The following BMPR2 variants were observed in gnomAD, a reference collection of about 807,000 sequenced individuals.
BMPR2 encodes bone morphogenetic protein receptor type-2.
In BMPR2, 29 loss-of-function variants were observed where a neutral mutation model predicts 100.8. The ratio of observed to expected loss-of-function variants is 0.29; its 90% confidence interval spans 0.21 to 0.39. The LOEUF (loss-of-function observed/expected upper bound fraction) is 0.39, where lower values mean the gene tolerates loss of function less well. BMPR2 is among the 10% of genes least tolerant of loss of function. The pLI, the probability that BMPR2 is intolerant of heterozygous loss-of-function variation, is 1.00. For synonymous variants in BMPR2, 382 were observed against 442.3 expected (o/e 0.86, Z 1.71); for missense variants, 1,011 against 1,274.5 (o/e 0.79, Z 3.15).
Position 202,566,036 on chromosome 2 carries a change from A to G in BMPR2, c.*6090A>G, listed in dbSNP as rs1688755121. The G allele has an allele frequency of 6.6e-6, 1 of 152,150 alleles. No individual in the cohort carries two copies. The highest frequency in any genetic ancestry group is 2.4e-5 in the African/African-American group (1 of 41,446). 9.4% of individuals were successfully genotyped at this position (152,150 alleles called of 1,614,324 possible). On this transcript the variant is annotated 3_prime_UTR_variant, in exon 13 of 13. Coordinates refer to ENST00000374580, the MANE Select transcript of BMPR2 (RefSeq NM_001204.7). Reference sequence around the variant, plus strand: ...ATACACATTTTTAAAACAACTTGAAACCCATTTTAAAATCTGGGTAAGAGA... The same window carrying G: ...ATACACATTTTTAAAACAACTTGAAGCCCATTTTAAAATCTGGGTAAGAGA...
intron 3 of BMPR2, among the ~76,000 whole-genome samples, chr2:202,490,481 G>A (rs902313457): frequency 6.6e-6 from 1 of 152,102 alleles, no homozygotes; most frequent in Admixed American, 6.5e-5. Context: ...ATGAAAATAA[G>A]TTCTTTGCAT....
chr2:202,535,454 G>A (rs1302009437), intron 9 of BMPR2, among the ~76,000 whole-genome samples: 4 of 150,114 alleles, frequency 2.7e-5, no homozygotes, highest in Non-Finnish European at 5.9e-5. Context: ...ACGGGGCGGC[G>A]GGGCAGAGGC....
chr2:202,486,568 T>C (rs935396672), intron 3 of BMPR2, among the ~76,000 whole-genome samples: 3 of 149,150 alleles, frequency 2.0e-5, no homozygotes, highest in Admixed American at 6.7e-5. Context: ...GGAGGTGGAG[T>C]TGGCAGTGAG....
Position 202,484,968 on chromosome 2 carries a change from C to CAAA in BMPR2, c.418+17297_418+17299dup, listed in dbSNP as rs747890922. Among the ~76,000 whole-genome samples the CAAA allele has an allele frequency of 2.6e-3, 155 of 59,688 alleles. 2 individuals carry two copies. Among genetic ancestry groups the CAAA allele is most frequent in the East Asian group, 9.0e-3 (16 of 1,768 alleles). The allele number at this position is 59,688 out of a possible 152,430, so 39.2% of individuals were successfully genotyped here. On this transcript the variant is annotated intron_variant, in intron 3 of 12. Transcript: ENST00000374580. The stretch of plus-strand genomic sequence containing the variant: ...TGGGCGACAGAGTGAGACTCCGTCT[C>CAAA]AAAAAAAAAAAAAAAAAAAAGAAAG...
chr2:202,549,322 AGTTT>A (rs891437304), intron 10 of BMPR2, among the ~76,000 whole-genome samples: 3 of 152,128 alleles, frequency 2.0e-5, no homozygotes, highest in South Asian at 4.1e-4. Flanking sequence ...CATATGATAC[AGTTT>A]GTTTGTCCAT....
At chr2:202,454,185 C>T (rs1239853811) in intron 1 of BMPR2, among the ~76,000 whole-genome samples, 1 of 152,036 alleles carries the variant, frequency 6.6e-6, no homozygotes, top group Non-Finnish European at 1.5e-5. Flanking sequence ...TCCTCCCACC[C>T]CAGCCTCCCA....
At chr2:202,545,215 C>CCCTCCCCCTCCA (rs1429033283) in intron 10 of BMPR2, among the ~76,000 whole-genome samples, 5 of 142,260 alleles carry the variant, frequency 3.5e-5, no homozygotes, top group Non-Finnish European at 7.7e-5. Flanking sequence ...CGTCCCCCTC[C>CCCTCCCCCTCCA]CCTCCCCACA....
Position 202,563,071 on chromosome 2 carries a change from A to G in BMPR2, c.*3125A>G, listed in dbSNP as rs1487797174. On this transcript the variant is annotated 3_prime_UTR_variant, in exon 13 of 13. Coordinates refer to ENST00000374580, the MANE Select transcript of BMPR2 (RefSeq NM_001204.7). ...TTTCAGTCTATGTCTGCCTCTCTCC[A>G]CATCTCTTTCATCCATACCACACTG... 6.6e-6 allele frequency: 1 copy of G among 152,148 alleles called. No individual in the cohort carries two copies. Among genetic ancestry groups the G allele is most frequent in the Non-Finnish European group, 1.5e-5 (1 of 68,032 alleles). The allele number at this position is 152,148 out of a possible 1,614,324, so 9.4% of individuals were successfully genotyped here.
intron 1 of BMPR2, among the ~76,000 whole-genome samples, chr2:202,404,618 G>C (rs1690847340): frequency 6.6e-6 from 1 of 152,220 alleles, no homozygotes. Context: ...CAATAAACGA[G>C]ATAAATATAT....
At chr2:202,424,263 A>C (rs369984823) in intron 1 of BMPR2, among the ~76,000 whole-genome samples, 4 of 151,924 alleles carry the variant, frequency 2.6e-5, no homozygotes, top group African/African-American at 9.7e-5. Flanking sequence ...AATCCCTGCC[A>C]CTTGGGAAGC....
chr2:202,450,150 G>A (rs1181467484), intron 1 of BMPR2, among the ~76,000 whole-genome samples: 4 of 152,008 alleles, frequency 2.6e-5, no homozygotes, highest in African/African-American at 9.7e-5. Context: ...AAGCATTATA[G>A]CCTTGAGTAC....
chr2:202,473,181 G>C (rs952438496), intron 3 of BMPR2, among the ~76,000 whole-genome samples: 38 of 152,142 alleles, frequency 2.5e-4, no homozygotes, highest in African/African-American at 8.9e-4. Context: ...GGGCACAGTG[G>C]CTCATGCCTG....
chr2:202,479,333 G>A (rs928670831), intron 3 of BMPR2, among the ~76,000 whole-genome samples: 10 of 152,174 alleles, frequency 6.6e-5, no homozygotes, highest in African/African-American at 2.4e-4. Context: ...TACTGTCTTA[G>A]TTGAGTCTTG....
chr2:202,462,959 G>A (rs1692251996), intron 1 of BMPR2, among the ~76,000 whole-genome samples: 1 of 152,116 alleles, frequency 6.6e-6, no homozygotes, highest in African/African-American at 2.4e-5. Flanking sequence ...TGATCTGCCT[G>A]CCTTGGCCTC....
chr2:202,502,603 C>T (rs531628040), intron 3 of BMPR2, among the ~76,000 whole-genome samples: 1 of 152,338 alleles, frequency 6.6e-6, no homozygotes, highest in African/African-American at 2.4e-5. Context: ...ACCTCTCAAA[C>T]AGTTTGCAAG....
intron 1 of BMPR2, among the ~76,000 whole-genome samples, chr2:202,382,793 G>T (rs1337646474): frequency 6.6e-6 from 1 of 152,160 alleles, no homozygotes; most frequent in Admixed American, 6.6e-5. Context: ...GGGCAAATAG[G>T]TTACTTAACA....
Position 202,544,160 on chromosome 2 carries a change from A to T in BMPR2, c.1413+1713A>T, listed in dbSNP as rs182920644. Among the ~76,000 whole-genome samples the T allele has an allele frequency of 6.0e-3, 911 of 152,248 alleles. 16 individuals carry two copies. Among genetic ancestry groups the T allele is most frequent in the African/African-American group, 0.021 (863 of 41,546 alleles). On this transcript the variant is annotated intron_variant, in intron 10 of 12. Coordinates refer to ENST00000374580, the MANE Select transcript of BMPR2 (RefSeq NM_001204.7). ...CCATCTCAAAAAAAAACAAAAAAAA[A>T]TTTGAAAAGTCATCATCAAATGATT...
At chr2:202,491,964 A>C (rs572968730) in intron 3 of BMPR2, among the ~76,000 whole-genome samples, 27 of 152,348 alleles carry the variant, frequency 1.8e-4, no homozygotes, top group Admixed American at 1.7e-3. Flanking sequence ...TACATTTGTT[A>C]CATAGAAAAA....
At chr2:202,460,188 G>A (rs778923997) in intron 1 of BMPR2, among the ~76,000 whole-genome samples, 2 of 152,150 alleles carry the variant, frequency 1.3e-5, no homozygotes, top group South Asian at 2.1e-4. Flanking sequence ...AGCCATTTTG[G>A]ACACATGCAC....
Sources: allele counts gnomAD v4.1 joint callset (sites outside exome capture counted in the v4.1 genomes callset), GRCh38; gene constraint gnomAD v4.1.1; transcripts MANE v1.5; gene names NCBI Gene and HGNC (gene_info 2026-07-23, HGNC 2026-07-21).